The following PCDHA1 variants were observed in gnomAD, a reference collection of about 807,000 sequenced individuals.
PCDHA1 encodes the protein protocadherin alpha-1.
PCDHA1 carries 42 observed loss-of-function variants against 61.3 expected under a neutral mutation model. The ratio of observed to expected loss-of-function variants is 0.69; its 90% CI spans 0.54 to 0.89. The LOEUF (loss-of-function observed/expected upper bound fraction) is 0.89, where lower values mean the gene tolerates loss of function less well. Among genes scored for constraint, PCDHA1 ranks in the 40% least tolerant of loss-of-function variants. The probability of loss-of-function intolerance (pLI) is 0.00; values close to 1 mark genes in which losing one functional copy is unlikely to be tolerated. For missense variants in PCDHA1, 1,256 were observed against 1,235.3 expected, an observed-to-expected ratio of 1.02 and a Z score of -0.25; for synonymous variants, 610 against 553.8, an observed-to-expected ratio of 1.10 and a Z score of -1.43.
intron 1 of PCDHA1, chr5:140,834,661 A>G (rs1200683987): frequency 6.2e-7 from 1 of 1,614,098 alleles, no homozygotes; most frequent in Non-Finnish European, 8.5e-7. Flanking sequence ...ATCGACCGCG[A>G]GGAGCTGTGC....
intron 2 of PCDHA1, among the ~76,000 whole-genome samples, chr5:140,981,442 C>T (rs1379745081): frequency 6.6e-6 from 1 of 151,988 alleles, no homozygotes; most frequent in Non-Finnish European, 1.5e-5. Flanking sequence ...GGCATGGTGG[C>T]GGGTGCCTGT....
chr5:140,848,761 G>C lies in PCDHA1; in HGVS notation c.2394+60077G>C, dbSNP rs200597765. 1.3e-5 allele frequency: 21 copies of C among 1,593,458 alleles called. No individual in the cohort carries two copies. In the South Asian group the frequency reaches 2.2e-4, roughly 17 times the overall value. On this transcript the variant is annotated intron_variant, in intron 1 of 3. Coordinates refer to ENST00000504120, the MANE Select transcript of PCDHA1 (RefSeq NM_018900.4). Reference sequence around the variant, plus strand: ...AATGGCATTTTGTTTGTGAATTCTCGGATCGACCGCGAGGAGCTGTGCGGG... The same window carrying C: ...AATGGCATTTTGTTTGTGAATTCTCCGATCGACCGCGAGGAGCTGTGCGGG...
In PCDHA1 at chr5:141,010,301, A is replaced by G. The variant is rs1232797660; in HGVS notation, c.*364A>G. On this transcript the variant is annotated 3_prime_UTR_variant, in exon 4 of 4. Coordinates refer to ENST00000504120, the MANE Select transcript of PCDHA1 (RefSeq NM_018900.4). ...TTGATGACACTTGCAGGGCAGGCTG[A>G]AAAGTTTTGAGATTGAGCAGCTTGG... 1 of 1,548,942 alleles carries G rather than the reference A, an allele frequency of 6.5e-7. No individual in the cohort carries two copies. Among genetic ancestry groups the G allele is most frequent in the African/African-American group, 1.4e-5 (1 of 72,848 alleles).
Position 140,842,578 on chromosome 5 carries a change from G to C in PCDHA1, c.2394+53894G>C, listed in dbSNP as rs2150339831. On this transcript the variant is annotated intron_variant, in intron 1 of 3. Transcript: ENST00000504120. ...GCGCCCTGGACCGCGAGAGAGTGTC[G>C]GCCTATGAGTTGGTGGTAACCGCGC... 18 of 1,515,278 alleles carry C rather than the reference G, an allele frequency of 1.2e-5. 1 individual carries two copies. The highest frequency in any genetic ancestry group is 1.5e-5 in the Non-Finnish European group (17 of 1,114,964). 93.9% of individuals were successfully genotyped at this position (1,515,278 alleles called of 1,614,324 possible). A position where few individuals can be genotyped will look rare whatever the true frequency, so the allele number is the denominator to read the frequency against.
chr5:140,926,981 C>T (rs1420415867), intron 1 of PCDHA1: 3 of 1,610,216 alleles, frequency 1.9e-6, no homozygotes, highest in Admixed American at 1.7e-5. Context: ...CCGGAGGAGA[C>T]GGAGCGGGGC....
intron 1 of PCDHA1, chr5:140,852,164 G>A (rs1176947336): frequency 2.4e-6 from 2 of 829,782 alleles, no homozygotes; most frequent in Non-Finnish European, 3.0e-6. Context: ...TGAGAATAGA[G>A]CCACAAAAAT....
chr5:140,876,784 A>T (rs1336979041), intron 1 of PCDHA1: 1 of 1,614,094 alleles, frequency 6.2e-7, no homozygotes, highest in Non-Finnish European at 8.5e-7. Flanking sequence ...GCTGTGGGCC[A>T]CGGCTAGAGT....
chr5:140,808,219 C>A (rs782019485), intron 1 of PCDHA1: 2 of 1,614,076 alleles, frequency 1.2e-6, no homozygotes, highest in South Asian at 1.1e-5. Context: ...AAGACAACAA[C>A]GATAATGTCC....
chr5:140,790,932 A>AGTGGT (rs1761609052), intron 1 of PCDHA1, among the ~76,000 whole-genome samples: 1 of 152,234 alleles, frequency 6.6e-6, no homozygotes, highest in Non-Finnish European at 1.5e-5. Flanking sequence ...ATGATTGTGG[A>AGTGGT]GTGGTATTGT....
intron 1 of PCDHA1, chr5:140,969,476 A>G: frequency 6.8e-7 from 1 of 1,473,576 alleles, no homozygotes; most frequent in Non-Finnish European, 9.0e-7. Context: ...CAATTTGATC[A>G]TAATCTGCTA....
chr5:140,896,406 C>CT (rs35238776), intron 1 of PCDHA1, among the ~76,000 whole-genome samples: 1 of 152,100 alleles, frequency 6.6e-6, no homozygotes, highest in Non-Finnish European at 1.5e-5. Flanking sequence ...TTATTTTTGA[C>CT]TTTTTAGTAA....
intron 1 of PCDHA1, chr5:140,795,564 G>C: frequency 6.2e-7 from 1 of 1,614,158 alleles, no homozygotes; most frequent in Non-Finnish European, 8.5e-7. Flanking sequence ...GGAAATCGCT[G>C]GACAGAGAGG....
chr5:140,983,005 A>AAAGG (rs1223217874), intron 3 of PCDHA1, among the ~76,000 whole-genome samples: 11 of 152,228 alleles, frequency 7.2e-5, no homozygotes, highest in African/African-American at 2.4e-4. Flanking sequence ...AAAGAAAGAA[A>AAAGG]AAGGAAGGAA....
At chr5:140,830,476 T>C in intron 1 of PCDHA1, 1 of 1,551,430 alleles carries the variant, frequency 6.4e-7, no homozygotes, top group Non-Finnish European at 8.7e-7. Flanking sequence ...ATGAAGATCA[T>C]GATGCCAAAG....
At chr5:140,887,757 C>T (rs1303665192) in intron 1 of PCDHA1, among the ~76,000 whole-genome samples, 16 of 152,166 alleles carry the variant, frequency 1.1e-4, no homozygotes, top group Admixed American at 9.8e-4. Flanking sequence ...TCCAGTAACA[C>T]ATATGTTACA....
rs868965340 is a variant in PCDHA1, at chr5:141,007,276, G to A, written c.2543-2351G>A. On this transcript the variant is annotated intron_variant, in intron 3 of 3. Transcript: ENST00000504120. ...TAAAAGAAGCAGATACAGGCTGGGT[G>A]CAGTGGGCTCATGCCTGTAATCTTA... Among the ~76,000 whole-genome samples the A allele has an allele frequency of 3.3e-5, 5 of 151,858 alleles. No homozygotes were observed. In the South Asian group the frequency reaches 8.3e-4, roughly 25 times the overall value.
intron 1 of PCDHA1, chr5:140,861,363 G>A: frequency 2.8e-6 from 1 of 354,256 alleles, no homozygotes; most frequent in Non-Finnish European, 5.8e-6. Flanking sequence ...TAGCGTCTTC[G>A]CGGTCCCTAT....
Position 140,842,803 on chromosome 5 carries a change from T to G in PCDHA1, c.2394+54119T>G, listed in dbSNP as rs141140865. 5,439 of 1,594,064 alleles carry G rather than the reference T, an allele frequency of 3.4e-3. 534 individuals carry two copies. In the African/African-American group the frequency reaches 0.06, roughly 17 times the overall value. On this transcript the variant is annotated intron_variant, in intron 1 of 3. Transcript: ENST00000504120. Reference sequence around the variant, plus strand: ...AGAACGCGCTGGTGTCCTACTCGCTTGTGGAGCGGCGGGTGGGCGAGCGCT... The same window carrying G: ...AGAACGCGCTGGTGTCCTACTCGCTGGTGGAGCGGCGGGTGGGCGAGCGCT...
At chr5:140,975,849 A>G (rs1157741908) in intron 1 of PCDHA1, among the ~76,000 whole-genome samples, 1 of 152,208 alleles carries the variant, frequency 6.6e-6, no homozygotes, top group Non-Finnish European at 1.5e-5. Flanking sequence ...CAGTAATACT[A>G]CATCACCCAT....
Sources: gnomAD v4.1 joint callset for allele counts (sites outside exome capture counted in the v4.1 genomes callset) on GRCh38, gnomAD v4.1.1 for gene constraint, MANE v1.5 for transcripts, NCBI Gene and HGNC (gene_info 2026-07-23, HGNC 2026-07-21) for gene names.